Variants in GNPTAB observed in about 807,000 individuals in gnomAD.
GNPTAB encodes N-acetylglucosamine-1-phosphotransferase subunits alpha/beta.
A neutral mutation model predicts 136.6 loss-of-function variants in GNPTAB; 92 were observed. The ratio of observed to expected loss-of-function variants is 0.67; its 90% confidence interval spans 0.57 to 0.80. The LOEUF (loss-of-function observed/expected upper bound fraction) is 0.80, where lower values mean the gene tolerates loss of function less well. Ranked by LOEUF, GNPTAB falls within the 30% of genes least tolerant of loss-of-function variation. GNPTAB has a pLI of 0.00. For synonymous variants in GNPTAB, 512 were observed against 535.1 expected (o/e 0.96, Z 0.60); for missense variants, 1,343 against 1,501.8 (o/e 0.89, Z 1.75).
chr12:101,798,452 A>G (rs1324649212), intron 1 of GNPTAB, among the ~76,000 whole-genome samples: 1 of 152,190 alleles, frequency 6.6e-6, no homozygotes, highest in Non-Finnish European at 1.5e-5. Flanking sequence ...GGAAAGGGAA[A>G]GACATGCCCC....
intron 2 of GNPTAB, chr12:101,795,927 T>A (rs1376855971): frequency 1.1e-5 from 3 of 279,490 alleles, no homozygotes; most frequent in African/African-American, 2.2e-5. Flanking sequence ...AAAAAAATTG[T>A]TTCCATTCTG....
chr12:101,829,886 C>T (rs1871276378), intron 1 of GNPTAB, among the ~76,000 whole-genome samples: 1 of 151,606 alleles, frequency 6.6e-6, no homozygotes, highest in Admixed American at 6.6e-5. Context: ...TATTTACAGA[C>T]AGCACCTTCT....
Position 101,757,580 on chromosome 12 carries a change from GT to G in GNPTAB, c.3326del (p.Asn1109ThrfsTer17). Reference sequence around the variant, plus strand: ...ATGCGTGTACTACTTACCTATATTTGTTTTTGTCCTTATATGCTTTGTGGAT... The same window carrying G: ...ATGCGTGTACTACTTACCTATATTTGTTTTGTCCTTATATGCTTTGTGGAT... ...DKIHKAYKDKNKYRFEIMGEE... is the reference protein window; with the variant it reads ...DKIHKAYKDKXKYRFEIMGEE... On this transcript the variant is annotated frameshift_variant, in exon 17 of 21. Coordinates refer to ENST00000299314, the MANE Select transcript of GNPTAB (RefSeq NM_024312.5). LOFTEE classifies it high-confidence loss of function. 6.7e-7 allele frequency: 1 copy of G among 1,502,372 alleles called. No individual in the cohort carries two copies. The highest frequency in any genetic ancestry group is 9.3e-7 in the Non-Finnish European group (1 of 1,078,518). 93.1% of individuals were successfully genotyped at this position (1,502,372 alleles called of 1,614,324 possible). A position where few individuals can be genotyped will look rare whatever the true frequency, so the allele number is the denominator to read the frequency against.
rs75757716 is a variant in GNPTAB, at chr12:101,746,841, A to G, written c.*323T>C. On this transcript the variant is annotated 3_prime_UTR_variant, in exon 21 of 21. Coordinates refer to ENST00000299314, the MANE Select transcript of GNPTAB (RefSeq NM_024312.5). ...CCAGCTGGCATAGGCTTCTCCTAAT[A>G]AAGTTAGTCTGCAATGATTGCTGTG... The G allele has an allele frequency of 0.019, 5,180 of 271,356 alleles. 272 individuals are homozygous for G. Among genetic ancestry groups the G allele is most frequent in the African/African-American group, 0.11 (4,883 of 45,126 alleles). The allele number at this position is 271,356 out of a possible 1,614,324, so 16.8% of individuals were successfully genotyped here.
intron 10 of GNPTAB, among the ~76,000 whole-genome samples, chr12:101,769,393 T>C (rs1177629112): frequency 2.0e-5 from 3 of 152,186 alleles, no homozygotes; most frequent in Admixed American, 2.0e-4. Context: ...TTTGCTGATA[T>C]TCTAACCATG....
At position 101,761,116 on chromosome 12, in the gene GNPTAB, C is replaced by T; in HGVS notation, c.3135+11G>A. 6.3e-7 allele frequency: 1 copy of T among 1,588,638 alleles called. No individual in the cohort carries two copies. The highest frequency in any genetic ancestry group is 8.6e-7 in the Non-Finnish European group (1 of 1,157,120). ...AAACATCAAAAAGTTTAGAATAAGA[C>T]AATACAACACCTGCAAACTTAACGG... On this transcript the variant is annotated intron_variant, in intron 15 of 20. Transcript: ENST00000299314.
intron 6 of GNPTAB, 58 bp downstream of exon 6, chr12:101,780,499 T>C (rs1594229636): frequency 7.8e-7 from 1 of 1,282,286 alleles, no homozygotes; most frequent in Non-Finnish European, 1.1e-6. Context: ...ACAGCTTTAT[T>C]ATTCATATTT....
rs1298105131 is a variant in GNPTAB, at chr12:101,753,267, A to G, written c.3602+105T>C. On this transcript the variant is annotated intron_variant, in intron 19 of 20. Transcript: ENST00000299314. The stretch of plus-strand genomic sequence containing the variant: ...AAACTCCGTCTCAAAAAAAAAAAAT[A>G]AAAAGAGAAATTTCATAAAAAAAAC... 7 of 1,050,266 alleles carry G rather than the reference A, an allele frequency of 6.7e-6. 1 individual carries two copies. The Admixed American group carries it at 9.0e-5, about 13-fold the overall frequency. The allele number at this position is 1,050,266 out of a possible 1,614,324, so 65.1% of individuals were successfully genotyped here.
chr12:101,789,145 A>T (rs1380033965), intron 3 of GNPTAB, among the ~76,000 whole-genome samples: 1 of 152,184 alleles, frequency 6.6e-6, no homozygotes, highest in Non-Finnish European at 1.5e-5. Flanking sequence ...ATAAACACTT[A>T]TTTCAAGAAG....
chr12:101,806,626 T>C (rs1869949044), intron 1 of GNPTAB, among the ~76,000 whole-genome samples: 1 of 152,120 alleles, frequency 6.6e-6, no homozygotes, highest in African/African-American at 2.4e-5. Flanking sequence ...CCTTCCCCCC[T>C]AAAAAATTAA....
intron 18 of GNPTAB, chr12:101,756,436 G>A: frequency 5.2e-6 from 2 of 381,908 alleles, no homozygotes; most frequent in Non-Finnish European, 1.0e-5. Flanking sequence ...TTAGCTGGGT[G>A]CAGCAGCTCA....
intron 16 of GNPTAB, among the ~76,000 whole-genome samples, chr12:101,758,545 C>A (rs188021509): frequency 2.2e-4 from 34 of 152,312 alleles, no homozygotes; most frequent in African/African-American, 7.5e-4. Context: ...AAGGCTGATA[C>A]CAGGTCTTAC....
intron 1 of GNPTAB, among the ~76,000 whole-genome samples, chr12:101,798,778 C>T (rs990712864): frequency 6.6e-6 from 1 of 152,144 alleles, no homozygotes; most frequent in Non-Finnish European, 1.5e-5. Flanking sequence ...AGCAGTTTGT[C>T]TCTCTAGTAA....
chr12:101,830,550 G>C lies in GNPTAB; in HGVS notation c.117+9C>G, dbSNP rs374108887. 7.0e-6 allele frequency: 11 copies of C among 1,571,630 alleles called. 1 individual carries two copies. The South Asian group carries it at 1.1e-4, about 16-fold the overall frequency. On this transcript the variant is annotated intron_variant, in intron 1 of 20. Transcript: ENST00000299314. ...GGCGCCCGGTCCAGGCTGCGGCGCC[G>C]CTACTCACCTCTCCGAACTGGAAGG...
In GNPTAB at chr12:101,804,343, G is replaced by GA. The variant is rs778383859; in HGVS notation, c.118-7582dup. Among the ~76,000 whole-genome samples the GA allele has an allele frequency of 2.7e-3, 379 of 138,058 alleles. 2 individuals carry two copies. Among genetic ancestry groups the GA allele is most frequent in the South Asian group, 6.8e-3 (30 of 4,408 alleles). 90.6% of individuals were successfully genotyped at this position (138,058 alleles called of 152,430 possible). ...TGGCTAAAAGGAAAAGAGAGAAAGA[G>GA]AAAAAAAAAAAGAACCAACGAACTA... On this transcript the variant is annotated intron_variant, in intron 1 of 20. Coordinates refer to ENST00000299314, the MANE Select transcript of GNPTAB (RefSeq NM_024312.5).
At chr12:101,770,917 T>A in intron 8 of GNPTAB, 79 bp downstream of exon 8, 1 of 1,364,130 alleles carries the variant, frequency 7.3e-7, no homozygotes. Context: ...TCCCCTTCCC[T>A]CTTCTAATAT....
chr12:101,751,811 C>T lies in GNPTAB; in HGVS notation c.3602+1561G>A, dbSNP rs151036287. 6.2e-3 allele frequency among the ~76,000 whole-genome samples: 938 copies of T among 152,290 alleles called. 4 individuals are homozygous for T. The highest frequency in any genetic ancestry group is 9.0e-3 in the Non-Finnish European group (612 of 68,012). ...TGACGGCAGTGATGATGATGAAGCA[C>T]ACTTAGTAGGTGTTGTAGGCCAGAA... On this transcript the variant is annotated intron_variant, in intron 19 of 20. Transcript: ENST00000299314.
intron 13 of GNPTAB, among the ~76,000 whole-genome samples, chr12:101,763,569 T>C (rs1953034282): frequency 6.6e-6 from 1 of 152,194 alleles, no homozygotes; most frequent in Non-Finnish European, 1.5e-5. Flanking sequence ...TCTGAACTTC[T>C]TGCCCATATC....
At position 101,830,679 on chromosome 12, in the gene GNPTAB, C is replaced by T. The variant is rs777360274; in HGVS notation, c.-4G>A. 1 of 1,530,626 alleles carries T rather than the reference C, an allele frequency of 6.5e-7. No individual in the cohort carries two copies. The highest frequency in any genetic ancestry group is 1.7e-5 in the Admixed American group (1 of 59,516). The allele number at this position is 1,530,626 out of a possible 1,614,324, so 94.8% of individuals were successfully genotyped here. A position where few individuals can be genotyped will look rare whatever the true frequency, so the allele number is the denominator to read the frequency against. ...TCTGCAGGAGCTTGAACAGCATCAC[C>T]CCTTCACCGCCACGCCACGCCCCGA... On this transcript the variant is annotated 5_prime_UTR_variant, in exon 1 of 21. Transcript: ENST00000299314.
Sources: gnomAD v4.1 joint callset for allele counts (sites outside exome capture counted in the v4.1 genomes callset) on GRCh38, gnomAD v4.1.1 for gene constraint, MANE v1.5 for transcripts, NCBI Gene and HGNC (gene_info 2026-07-23, HGNC 2026-07-21) for gene names.